Variants in SLC43A2 observed in about 807,000 individuals in gnomAD.
The protein encoded by SLC43A2 is solute carrier family 43 member 2.
A neutral mutation model predicts 63.2 loss-of-function variants in SLC43A2; 38 were observed. The observed-to-expected ratio is 0.60, with a 90% CI of 0.46 to 0.79. The LOEUF (loss-of-function observed/expected upper bound fraction) is 0.79, where lower values mean the gene tolerates loss of function less well. SLC43A2 is among the 30% of genes least tolerant of loss of function. The probability of loss-of-function intolerance (pLI) is 0.00; values close to 1 mark genes in which losing one functional copy is unlikely to be tolerated. For missense variants in SLC43A2, 644 were observed against 756.2 expected (o/e 0.85, Z 1.74); for synonymous variants, 322 against 331.0 (o/e 0.97, Z 0.30).
At chr17:1,615,162 C>G in intron 3 of SLC43A2, 128 bp from the exon 4 acceptor site, 1 of 1,082,454 alleles carries the variant, frequency 9.2e-7, no homozygotes, top group Admixed American at 2.0e-5. Context: ...GGCTGGAGTG[C>G]AGTGGCGCGA....
intron 9 of SLC43A2, 161 bp from the exon 10 acceptor site, chr17:1,586,212 TC>T: frequency 1.7e-6 from 2 of 1,165,438 alleles, no homozygotes; most frequent in Non-Finnish European, 2.3e-6. Context: ...AGACCTTAAC[TC>T]TGAAGTTGAG....
chr17:1,612,207 G>A (rs530523529), intron 5 of SLC43A2, among the ~76,000 whole-genome samples: 23 of 152,120 alleles, frequency 1.5e-4, no homozygotes, highest in Non-Finnish European at 3.1e-4. Context: ...CAAGTGATCC[G>A]CCTGCCTCAG....
chr17:1,577,574 G>A lies in SLC43A2; in HGVS notation c.1424+676C>T, dbSNP rs999047558. On this transcript the variant is annotated intron_variant, in intron 12 of 13. Transcript: ENST00000301335. This position sits in a 1 kb window ranked among gnomAD's most constrained non-coding sequence, Gnocchi z 4.9. ...TCTTAGCACATGTCAGGCTCTGCTGGCCCAGAGGTGGGAAAGGAATCCCAG... is the reference window on the plus strand; with the variant it reads ...TCTTAGCACATGTCAGGCTCTGCTGACCCAGAGGTGGGAAAGGAATCCCAG... Among the ~76,000 whole-genome samples the A allele has an allele frequency of 6.6e-5, 10 of 152,204 alleles. No homozygotes were observed. Among genetic ancestry groups the A allele is most frequent in the African/African-American group, 2.4e-4 (10 of 41,460 alleles).
chr17:1,607,111 T>A (rs1339221079), intron 5 of SLC43A2, among the ~76,000 whole-genome samples: 1 of 118,048 alleles, frequency 8.5e-6, no homozygotes, highest in African/African-American at 3.1e-5. Flanking sequence ...ACCCAGGAAG[T>A]CCCCGAATTA....
chr17:1,584,932 A>G (rs561444361), intron 10 of SLC43A2, among the ~76,000 whole-genome samples: 1 of 152,344 alleles, frequency 6.6e-6, no homozygotes. Flanking sequence ...CTTCACAATC[A>G]TGAACAACTC....
At chr17:1,607,097 C>T (rs1228352443) in intron 5 of SLC43A2, among the ~76,000 whole-genome samples, 4 of 149,280 alleles carry the variant, frequency 2.7e-5, no homozygotes, top group Admixed American at 1.4e-4. Flanking sequence ...ACAAAGGCCC[C>T]GGGACCCAGG....
intron 5 of SLC43A2, among the ~76,000 whole-genome samples, 172 bp downstream of exon 5, chr17:1,613,023 G>A (rs1199422169): frequency 6.6e-6 from 1 of 151,668 alleles, no homozygotes; most frequent in Non-Finnish European, 1.5e-5. Flanking sequence ...GCTGCCTGTG[G>A]ACCTCAGCTG....
chr17:1,590,689 G>T, intron 9 of SLC43A2, 113 bp downstream of exon 9: 1 of 1,357,444 alleles, frequency 7.4e-7, no homozygotes, highest in Non-Finnish European at 1.0e-6. Flanking sequence ...CCTGGGATGC[G>T]GCCTTTCCAT....
Position 1,590,877 on chromosome 17 carries a change from G to T in SLC43A2, c.1003C>A (p.Gln335Lys). ...CCCATGTAGAAGATGAGCCGCAGCT[G>T]CGTGACGCACATGGTGACCAGGCTG... ...LLSLVTMCVT[Q>K]LRLIFYMGAM... The change falls in exon 9 of 14, where the codon CAG (glutamine) becomes AAG (lysine). Residue 335 changes from glutamine (Q) to lysine (K), a missense_variant. Gln to Lys is a moderately conservative substitution (Grantham distance 53). Around this residue, in one of 3 missense-constraint regions of SLC43A2, gnomAD observed 528 missense variants for 623.6 expected, o/e 0.85. Transcript: ENST00000301335. 1 of 1,553,794 alleles carries T rather than the reference G, an allele frequency of 6.4e-7. No homozygotes were observed. The highest frequency in any genetic ancestry group is 8.7e-7 in the Non-Finnish European group (1 of 1,147,948).
In SLC43A2 at chr17:1,591,187, T is replaced by C. The variant is rs565293437; in HGVS notation, c.931+82A>G. 1,180 of 1,533,288 alleles carry C rather than the reference T, an allele frequency of 7.7e-4. 6 individuals carry two copies. Among genetic ancestry groups the C allele is most frequent in the South Asian group, 1.9e-3 (162 of 85,100 alleles). 95.0% of individuals were successfully genotyped at this position (1,533,288 alleles called of 1,614,324 possible). On this transcript the variant is annotated intron_variant, in intron 8 of 13. Coordinates refer to ENST00000301335, the MANE Select transcript of SLC43A2 (RefSeq NM_152346.3). Reference sequence around the variant, plus strand: ...AGGGCGGGCGGGGCCGCCTCCCCTTTTGGGGTGAGGTGGGAATGGGGTGAG... The same window carrying C: ...AGGGCGGGCGGGGCCGCCTCCCCTTCTGGGGTGAGGTGGGAATGGGGTGAG...
At chr17:1,596,958 T>A (rs2151053071) in intron 5 of SLC43A2, among the ~76,000 whole-genome samples, 1 of 152,346 alleles carries the variant, frequency 6.6e-6, no homozygotes, top group Middle Eastern at 3.4e-3. Flanking sequence ...GGCTCACGCC[T>A]GTCATCCCAG....
chr17:1,596,192 C>T (rs1227904001), intron 5 of SLC43A2, among the ~76,000 whole-genome samples: 3 of 152,022 alleles, frequency 2.0e-5, no homozygotes, highest in Admixed American at 6.6e-5. Flanking sequence ...TGGTGGTGGA[C>T]GCCTGTAATC....
intron 2 of SLC43A2, among the ~76,000 whole-genome samples, chr17:1,624,313 C>G (rs1362782847): frequency 6.6e-6 from 1 of 152,130 alleles, no homozygotes; most frequent in Non-Finnish European, 1.5e-5. Flanking sequence ...TGGCTTACAC[C>G]TGTAGTCCCA....
intron 5 of SLC43A2, chr17:1,604,930 C>T: frequency 1.3e-6 from 2 of 1,522,138 alleles, no homozygotes; most frequent in South Asian, 2.4e-5. Flanking sequence ...CTGTTCGAAG[C>T]CGCGGTGCCG....
intron 4 of SLC43A2, among the ~76,000 whole-genome samples, chr17:1,613,484 C>T: frequency 6.6e-6 from 1 of 152,150 alleles, no homozygotes; most frequent in Middle Eastern, 3.2e-3. Flanking sequence ...CGTAGTTTTG[C>T]TCTTGTCACC....
At position 1,581,568 on chromosome 17, in the gene SLC43A2, C is replaced by T. The variant is rs564006963; in HGVS notation, c.1350+1636G>A. 2.4e-4 allele frequency among the ~76,000 whole-genome samples: 36 copies of T among 152,342 alleles called. 1 individual carries two copies. Among genetic ancestry groups the T allele is most frequent in the Non-Finnish European group, 4.9e-4 (33 of 68,038 alleles). ...TCCTGTAAAAAGGGAGGGACTCTTA[C>T]TTCCCTCCTGGACTTGACCCAAGAT... On this transcript the variant is annotated intron_variant, in intron 11 of 13. Coordinates refer to ENST00000301335, the MANE Select transcript of SLC43A2 (RefSeq NM_152346.3).
chr17:1,593,322 C>G lies in SLC43A2; in HGVS notation c.502-43G>C, dbSNP rs1334331390. On this transcript the variant is annotated intron_variant, in intron 5 of 13. Coordinates refer to ENST00000301335, the MANE Select transcript of SLC43A2 (RefSeq NM_152346.3). This position sits in a 1 kb window ranked among gnomAD's most constrained non-coding sequence, Gnocchi z 5.3. ...GAGAAACCTCAGTGGGGAGGATGCACCAGGGAAGGGGAGGAGGAGGGGACA... is the reference window on the plus strand; with the variant it reads ...GAGAAACCTCAGTGGGGAGGATGCAGCAGGGAAGGGGAGGAGGAGGGGACA... 1 of 1,571,382 alleles carries G rather than the reference C, an allele frequency of 6.4e-7. No individual in the cohort carries two copies. Among genetic ancestry groups the G allele is most frequent in the East Asian group, 2.2e-5 (1 of 44,570 alleles).
intron 6 of SLC43A2, 35 bp from the exon 7 acceptor site, chr17:1,591,734 A>AGGGGGGGGG (rs780559673): frequency 1.7e-5 from 5 of 295,338 alleles, no homozygotes; most frequent in East Asian, 5.8e-5. Flanking sequence ...TGGGGGGGGG[A>AGGGGGGGGG]GGGGGCAGAG....
chr17:1,595,161 A>G (rs1338769563), intron 5 of SLC43A2, among the ~76,000 whole-genome samples: 1 of 151,920 alleles, frequency 6.6e-6, no homozygotes, highest in Non-Finnish European at 1.5e-5. Context: ...GGCGCCTATA[A>G]TCCCAGCTAC....
Sources: allele counts gnomAD v4.1 joint callset (sites outside exome capture counted in the v4.1 genomes callset), GRCh38; gene constraint gnomAD v4.1.1; regional missense constraint gnomAD v4.1.1; non-coding constraint Gnocchi (gnomAD v3.1); transcripts MANE v1.5; gene names NCBI Gene and HGNC (gene_info 2026-07-23, HGNC 2026-07-21).